The following RGS7 variants were observed in gnomAD, a reference collection of about 807,000 sequenced individuals.
The protein encoded by RGS7 is regulator of G protein signaling 7.
A neutral mutation model predicts 81.1 loss-of-function variants in RGS7; 27 were observed. That is an observed-to-expected ratio of 0.33 (90% CI 0.25 to 0.46). RGS7 has a LOEUF of 0.46. Among genes scored for constraint, RGS7 ranks in the 20% least tolerant of loss-of-function variants. The pLI, the probability that RGS7 is intolerant of heterozygous loss-of-function variation, is 1.00. For missense variants in RGS7, 396 were observed against 607.4 expected, an observed-to-expected ratio of 0.65 and a Z score of 3.66; for synonymous variants, 208 against 207.7, an observed-to-expected ratio of 1.00 and a Z score of -0.01.
At chr1:240,800,393 C>T (rs768312036) in intron 18 of RGS7, among the ~76,000 whole-genome samples, 3 of 152,078 alleles carry the variant, frequency 2.0e-5, no homozygotes, top group Admixed American at 6.6e-5. Context: ...CTCTGTGTAC[C>T]GTTGCAATGG....
At chr1:240,874,886 C>A (rs261824) in intron 6 of RGS7, among the ~76,000 whole-genome samples, 1 of 151,600 alleles carries the variant, frequency 6.6e-6, no homozygotes, top group Non-Finnish European at 1.5e-5. Context: ...ACTAAAAATA[C>A]CAAAATTTAG....
intron 6 of RGS7, among the ~76,000 whole-genome samples, chr1:240,919,120 G>A (rs1265972128): frequency 6.6e-6 from 1 of 152,076 alleles, no homozygotes; most frequent in Non-Finnish European, 1.5e-5. Context: ...AAGCCACCAA[G>A]CCCAGATAAC....
intron 6 of RGS7, among the ~76,000 whole-genome samples, chr1:240,918,845 G>GAA (rs764625018): frequency 4.5e-4 from 65 of 144,840 alleles, no homozygotes; most frequent in African/African-American, 1.6e-3. Context: ...GGCTAATTAA[G>GAA]AAAAAAAAAA....
chr1:241,328,684 T>C (rs1449734465), intron 2 of RGS7, among the ~76,000 whole-genome samples: 1 of 152,180 alleles, frequency 6.6e-6, no homozygotes, highest in Non-Finnish European at 1.5e-5. Flanking sequence ...TGGTTTTTTA[T>C]CTCCTAGGCA....
At chr1:241,066,776 T>C (rs2148852381) in intron 3 of RGS7, among the ~76,000 whole-genome samples, 1 of 152,316 alleles carries the variant, frequency 6.6e-6, no homozygotes, top group Non-Finnish European at 1.5e-5. Flanking sequence ...TTACATGCAT[T>C]TGTGCAGAAC....
At chr1:241,349,546 T>G (rs559579788) in intron 2 of RGS7, among the ~76,000 whole-genome samples, 8 of 152,362 alleles carry the variant, frequency 5.3e-5, no homozygotes, top group African/African-American at 1.9e-4. Flanking sequence ...CTGAGACTTT[T>G]GTTAATTAGA....
chr1:241,088,247 T>C (rs2678784), intron 3 of RGS7, among the ~76,000 whole-genome samples: 80,001 of 150,766 alleles, frequency 0.53, 24,286 homozygotes, highest in African/African-American at 0.84. Context: ...ATCAAGAGAG[T>C]GAGAGAGGAA....
intron 6 of RGS7, among the ~76,000 whole-genome samples, chr1:240,882,910 G>T (rs1666655798): frequency 6.6e-6 from 1 of 152,188 alleles, no homozygotes. Context: ...ATATAACAAT[G>T]TCACCGGTGT....
chr1:240,962,569 G>A (rs539946930), intron 4 of RGS7, among the ~76,000 whole-genome samples: 15 of 152,270 alleles, frequency 9.9e-5, no homozygotes, highest in African/African-American at 3.6e-4. Flanking sequence ...TTTAATAGGT[G>A]AAACTGGCAA....
chr1:241,077,743 T>C (rs558450266), intron 3 of RGS7, among the ~76,000 whole-genome samples: 6 of 152,356 alleles, frequency 3.9e-5, no homozygotes, highest in Admixed American at 3.9e-4. Context: ...GCATGCCACT[T>C]GTTCACTGGG....
At chr1:241,092,351 T>C (rs867069944) in intron 3 of RGS7, among the ~76,000 whole-genome samples, 3 of 152,236 alleles carry the variant, frequency 2.0e-5, no homozygotes, top group Admixed American at 6.5e-5. Context: ...TCTATTCTTC[T>C]AAAATTTAGA....
At chr1:241,048,924 T>C (rs1203256369) in intron 3 of RGS7, among the ~76,000 whole-genome samples, 4 of 152,188 alleles carry the variant, frequency 2.6e-5, no homozygotes, top group Admixed American at 6.5e-5. Context: ...CCTAGATTCA[T>C]TGGGTTTGCT....
intron 2 of RGS7, among the ~76,000 whole-genome samples, chr1:241,305,071 A>C (rs978824737): frequency 4.6e-5 from 7 of 152,250 alleles, no homozygotes; most frequent in African/African-American, 1.7e-4. Flanking sequence ...TAAATGGTAC[A>C]TGCTTCATTT....
chr1:241,334,931 G>A (rs541230060), intron 2 of RGS7, among the ~76,000 whole-genome samples: 3 of 152,178 alleles, frequency 2.0e-5, no homozygotes, highest in Non-Finnish European at 4.4e-5. Flanking sequence ...ACAATCAGCA[G>A]GCAAGGGCAC....
At chr1:240,833,592 T>G (rs1157968127) in intron 9 of RGS7, among the ~76,000 whole-genome samples, 1 of 152,150 alleles carries the variant, frequency 6.6e-6, no homozygotes, top group Non-Finnish European at 1.5e-5. Context: ...CCATTGTAGG[T>G]CAAGGAGCAT....
intron 2 of RGS7, among the ~76,000 whole-genome samples, chr1:241,300,170 A>G (rs2148495124): frequency 6.6e-6 from 1 of 152,068 alleles, no homozygotes; most frequent in Non-Finnish European, 1.5e-5. Context: ...AATTAAGTGG[A>G]AAGTACAGTT....
chr1:240,853,900 CAAAAAAAAAAAAAAAA>C (rs35471716), intron 9 of RGS7, among the ~76,000 whole-genome samples: 1 of 22,242 alleles, frequency 4.5e-5, no homozygotes, highest in Admixed American at 1.1e-3. Flanking sequence ...GACTCCGTCT[CAAAAAAAAAAAAAAAA>C]AAAAAAAAAA....
intron 2 of RGS7, among the ~76,000 whole-genome samples, chr1:241,161,486 TATA>T (rs997051662): frequency 5.2e-4 from 76 of 147,002 alleles, no homozygotes; most frequent in East Asian, 4.2e-3. Flanking sequence ...ATAACTAATA[TATA>T]ATAATTATAT....
intron 2 of RGS7, among the ~76,000 whole-genome samples, chr1:241,131,984 A>T (rs2067131871): frequency 6.6e-6 from 1 of 152,234 alleles, no homozygotes; most frequent in Admixed American, 6.5e-5. Context: ...TGGCATTATC[A>T]TCCATCCCAA....
Sources: gnomAD v4.1 joint callset for allele counts (sites outside exome capture counted in the v4.1 genomes callset) on GRCh38, gnomAD v4.1.1 for gene constraint, MANE v1.5 for transcripts, NCBI Gene and HGNC (gene_info 2026-07-23, HGNC 2026-07-21) for gene names.